ADGRD1: variants seen among roughly 807,000 people sequenced by gnomAD.
The protein encoded by ADGRD1 is G-protein coupled receptor 133.
In ADGRD1, 77 loss-of-function variants were observed where a neutral mutation model predicts 113.4. The ratio of observed to expected loss-of-function variants is 0.68; its 90% confidence interval spans 0.57 to 0.82. The LOEUF (loss-of-function observed/expected upper bound fraction) is 0.82, where lower values mean the gene tolerates loss of function less well. Ranked by LOEUF, ADGRD1 falls within the 40% of genes least tolerant of loss-of-function variation. ADGRD1 has a pLI of 0.00. For missense variants in ADGRD1, 1,036 were observed against 1,139.1 expected (o/e 0.91, Z 1.30); for synonymous variants, 474 against 475.0 (o/e 1.00, Z 0.03).
rs190165707 is a variant in ADGRD1, at chr12:130,966,423, T to C, written c.104-40T>C. Reference sequence around the variant, plus strand: ...GTTCTTACCCTCTGGTTCTTTCCTCTCTAATGATGATTTAAAATTTTTATT... The same window carrying C: ...GTTCTTACCCTCTGGTTCTTTCCTCCCTAATGATGATTTAAAATTTTTATT... On this transcript the variant is annotated intron_variant, in intron 2 of 24. Transcript: ENST00000261654. The surrounding 1 kb of genome is among the most constrained non-coding windows in gnomAD (Gnocchi z 4.6). The C allele has an allele frequency of 2.6e-4, 344 of 1,327,486 alleles. No homozygotes were observed. In the African/African-American group the frequency reaches 4.5e-3, roughly 17 times the overall value. 82.2% of individuals were successfully genotyped at this position (1,327,486 alleles called of 1,614,324 possible). A position where few individuals can be genotyped will look rare whatever the true frequency, so the allele number is the denominator to read the frequency against.
At chr12:131,109,908 T>G (rs1351474606) in intron 18 of ADGRD1, among the ~76,000 whole-genome samples, 1 of 152,248 alleles carries the variant, frequency 6.6e-6, no homozygotes, top group East Asian at 1.9e-4. Context: ...TGTTTATACT[T>G]ACATCTTTCT....
chr12:131,129,194 G>GT, intron 20 of ADGRD1, among the ~76,000 whole-genome samples: 1 of 136,470 alleles, frequency 7.3e-6, no homozygotes, highest in African/African-American at 2.8e-5. Flanking sequence ...CTGCTGTCTG[G>GT]TGTGAGTGAC....
At chr12:131,077,298 G>A (rs1885703810) in intron 14 of ADGRD1, among the ~76,000 whole-genome samples, 1 of 152,158 alleles carries the variant, frequency 6.6e-6, no homozygotes, top group Non-Finnish European at 1.5e-5. Context: ...TTGAAACCTT[G>A]CCGGCTCCAC....
chr12:131,070,947 A>C (rs1187197125), intron 13 of ADGRD1: 1 of 518,906 alleles, frequency 1.9e-6, no homozygotes, highest in South Asian at 1.4e-5. Context: ...TGGGCCTGAG[A>C]AGGGGCTGTG....
At chr12:131,038,896 T>G (rs537222895) in intron 13 of ADGRD1, among the ~76,000 whole-genome samples, 9 of 152,360 alleles carry the variant, frequency 5.9e-5, no homozygotes, top group African/African-American at 2.2e-4. Context: ...GGGAAAAGAC[T>G]AGGTCGCAGG....
At chr12:131,064,945 G>C (rs1347421078) in intron 13 of ADGRD1, among the ~76,000 whole-genome samples, 1 of 152,208 alleles carries the variant, frequency 6.6e-6, no homozygotes, top group Non-Finnish European at 1.5e-5. Flanking sequence ...CAGCTCTTGA[G>C]CTAGTGAGCC....
chr12:130,957,512 A>G (rs1198825252), intron 2 of ADGRD1: 1 of 152,206 alleles, frequency 6.6e-6, no homozygotes, highest in Non-Finnish European at 1.5e-5. Flanking sequence ...ACACATTCAC[A>G]CACATCCCAC....
At chr12:131,029,944 C>CTTAT (rs1880469798) in intron 13 of ADGRD1, among the ~76,000 whole-genome samples, 1 of 130,268 alleles carries the variant, frequency 7.7e-6, no homozygotes, top group African/African-American at 3.2e-5. Flanking sequence ...GTGGACCCCT[C>CTTAT]GTTCAGTGAC....
At chr12:131,095,541 G>C (rs1216925521) in intron 15 of ADGRD1, among the ~76,000 whole-genome samples, 1 of 152,190 alleles carries the variant, frequency 6.6e-6, no homozygotes, top group Non-Finnish European at 1.5e-5. Context: ...CCTCAGAATT[G>C]GGGTCTTACT....
At chr12:131,021,821 G>T (rs978548435) in intron 13 of ADGRD1, among the ~76,000 whole-genome samples, 35 of 152,050 alleles carry the variant, frequency 2.3e-4, no homozygotes, top group Admixed American at 2.2e-3. Context: ...ATCCTCCTGC[G>T]TCAGCCTCCT....
intron 13 of ADGRD1, among the ~76,000 whole-genome samples, chr12:131,044,624 G>GT (rs1054810399): frequency 6.6e-6 from 1 of 152,186 alleles, no homozygotes; most frequent in Admixed American, 6.5e-5. Context: ...CCCAGGCCTG[G>GT]TTTATCTTCC....
chr12:131,007,800 A>G (rs1032417413), intron 12 of ADGRD1, among the ~76,000 whole-genome samples: 12 of 152,238 alleles, frequency 7.9e-5, no homozygotes, highest in Admixed American at 7.8e-4. Flanking sequence ...CATGTTTTTC[A>G]TTTGCAGTGA....
At position 131,084,795 on chromosome 12, in the gene ADGRD1, A is replaced by G; in HGVS notation, c.1671+132A>G. On this transcript the variant is annotated intron_variant, in intron 15 of 24. Coordinates refer to ENST00000261654, the MANE Select transcript of ADGRD1 (RefSeq NM_198827.5). This position sits in a 1 kb window ranked among gnomAD's most constrained non-coding sequence, Gnocchi z 4.5. ...ATTACTCCATGGGGCCTGTGTTTACAGACGGAATCCATTCTCTTGGCTTCT... is the reference window on the plus strand; with the variant it reads ...ATTACTCCATGGGGCCTGTGTTTACGGACGGAATCCATTCTCTTGGCTTCT... 1.0e-6 allele frequency: 1 copy of G among 966,778 alleles called. No individual in the cohort carries two copies. Among genetic ancestry groups the G allele is most frequent in the South Asian group, 1.5e-5 (1 of 65,298 alleles). The allele number at this position is 966,778 out of a possible 1,614,324, so 59.9% of individuals were successfully genotyped here.
intron 21 of ADGRD1, among the ~76,000 whole-genome samples, chr12:131,133,470 GT>G (rs1950989939): frequency 6.6e-6 from 1 of 152,230 alleles, no homozygotes; most frequent in Non-Finnish European, 1.5e-5. Flanking sequence ...TGCAGCTCTT[GT>G]GAAGGCTCGA....
intron 20 of ADGRD1, among the ~76,000 whole-genome samples, chr12:131,127,236 G>A (rs1950759664): frequency 6.6e-6 from 1 of 152,238 alleles, no homozygotes. Context: ...TTAACGCAAA[G>A]CGGTCAAGAT....
At chr12:130,975,016 T>G (rs1872143515) in intron 4 of ADGRD1, among the ~76,000 whole-genome samples, 1 of 152,172 alleles carries the variant, frequency 6.6e-6, no homozygotes, top group Non-Finnish European at 1.5e-5. Context: ...TTTGGATCCC[T>G]GGCCATTCTT....
At chr12:131,111,086 C>CATTGTG (rs1950335697) in intron 18 of ADGRD1, among the ~76,000 whole-genome samples, 1 of 150,682 alleles carries the variant, frequency 6.6e-6, no homozygotes, top group Non-Finnish European at 1.5e-5. Context: ...GTGTGTATCT[C>CATTGTG]ATTGTGTTTA....
rs779218133 is a variant in ADGRD1 at position 130,954,535 on chromosome 12, A to G, written c.66+4A>G. 1.2e-6 allele frequency: 2 copies of G among 1,610,584 alleles called. No homozygotes were observed. The highest frequency in any genetic ancestry group is 2.2e-5 in the South Asian group (2 of 90,724). On this transcript the variant is annotated splice_donor_region_variant and intron_variant, in intron 1 of 24. Coordinates refer to ENST00000261654, the MANE Select transcript of ADGRD1 (RefSeq NM_198827.5). The surrounding 1 kb of genome is among the most constrained non-coding windows in gnomAD (Gnocchi z 4.7). ...GCTATTTTATTACAACTTTCAGGTA[A>G]TGTCCCCAAGTGGCCAGGATGGCGA... is the stretch of plus-strand genomic sequence containing the variant.
chr12:131,039,796 G>A (rs1407952940), intron 13 of ADGRD1, among the ~76,000 whole-genome samples: 1 of 152,236 alleles, frequency 6.6e-6, no homozygotes, highest in Non-Finnish European at 1.5e-5. Flanking sequence ...AGGGCTTTCT[G>A]CTTTAAAATA....
Sources: allele counts gnomAD v4.1 joint callset (sites outside exome capture counted in the v4.1 genomes callset), GRCh38; gene constraint gnomAD v4.1.1; non-coding constraint Gnocchi (gnomAD v3.1); transcripts MANE v1.5; gene names NCBI Gene and HGNC (gene_info 2026-07-23, HGNC 2026-07-21).